Variants in SIPA1L3 observed in about 807,000 individuals in gnomAD.
The protein encoded by SIPA1L3 is signal induced proliferation associated 1 like 3.
In SIPA1L3, 59 loss-of-function variants were observed where a neutral mutation model predicts 150.1. The ratio of observed to expected loss-of-function variants is 0.39; its 90% CI spans 0.32 to 0.49. The LOEUF is 0.49. Among genes scored for constraint, SIPA1L3 ranks in the 20% least tolerant of loss-of-function variants. The pLI, the probability that SIPA1L3 is intolerant of heterozygous loss-of-function variation, is 0.86. For missense variants in SIPA1L3, 2,211 were observed against 2,489.5 expected, an observed-to-expected ratio of 0.89 and a Z score of 2.38; for synonymous variants, 1,070 against 1,077.6, an observed-to-expected ratio of 0.99 and a Z score of 0.14.
chr19:38,082,127 C>G lies in SIPA1L3; in HGVS notation c.562C>G (p.Arg188Gly), dbSNP rs1555784629. The G allele has an allele frequency of 3.1e-6, 5 of 1,606,402 alleles. No homozygotes were observed. The highest frequency in any genetic ancestry group is 2.7e-5 in the African/African-American group (2 of 75,008). ...ECDAEDAGEP[R>G]GARHTGALPL... ...TGACGCGGAGGACGCGGGGGAGCCG[C>G]GGGGGGCCCGGCACACGGGGGCGCT... The change falls in exon 3 of 22, where the codon CGG (arginine) becomes GGG (glycine). Residue 188 changes from arginine (R) to glycine (G), a missense_variant. Coordinates refer to ENST00000222345, the MANE Select transcript of SIPA1L3 (RefSeq NM_015073.3).
chr19:38,054,420 A>G (rs1969271444), intron 2 of SIPA1L3, among the ~76,000 whole-genome samples: 1 of 152,212 alleles, frequency 6.6e-6, no homozygotes, highest in Non-Finnish European at 1.5e-5. Flanking sequence ...TAGCCTGACC[A>G]ACATGGTGAA....
chr19:37,981,349 A>C (rs772301251), intron 1 of SIPA1L3, among the ~76,000 whole-genome samples: 1 of 151,340 alleles, frequency 6.6e-6, no homozygotes, highest in Non-Finnish European at 1.5e-5. Flanking sequence ...ACTTGAACCC[A>C]GGAGGTCAAG....
intron 1 of SIPA1L3, among the ~76,000 whole-genome samples, chr19:37,971,052 T>C (rs371615923): frequency 6.6e-6 from 1 of 152,136 alleles, no homozygotes; most frequent in South Asian, 2.1e-4. Flanking sequence ...GCAGTTGTGT[T>C]TTTTTTTGAG....
In SIPA1L3 at chr19:38,110,398, A is replaced by C. The variant is rs1600084532; in HGVS notation, c.2291+14A>C. ...CGTCTGTTACAGGTATGCCCCCCAC[A>C]CCCGGCCCCCAGCAGCGTATGGAGA... is the stretch of plus-strand genomic sequence containing the variant. On this transcript the variant is annotated intron_variant, in intron 8 of 21. Transcript: ENST00000222345. 6.2e-7 allele frequency: 1 copy of C among 1,603,140 alleles called. No homozygotes were observed. Among genetic ancestry groups the C allele is most frequent in the Non-Finnish European group, 8.5e-7 (1 of 1,172,600 alleles).
At chr19:38,196,760 AG>A (rs1236181347) in intron 18 of SIPA1L3, among the ~76,000 whole-genome samples, 1 of 149,570 alleles carries the variant, frequency 6.7e-6, no homozygotes, top group Non-Finnish European at 1.5e-5. Context: ...GGGGGGAGCC[AG>A]GAGGCCGAGG....
chr19:38,005,618 C>T (rs1045007719), intron 1 of SIPA1L3, among the ~76,000 whole-genome samples: 1 of 152,216 alleles, frequency 6.6e-6, no homozygotes, highest in African/African-American at 2.4e-5. Flanking sequence ...CTTCCCCCTC[C>T]CCTTAATGTC....
chr19:37,995,651 G>C (rs1967622720), intron 1 of SIPA1L3, among the ~76,000 whole-genome samples: 1 of 152,190 alleles, frequency 6.6e-6, no homozygotes, highest in African/African-American at 2.4e-5. Context: ...GGCCTGAGGA[G>C]GTGGGGCCTG....
intron 9 of SIPA1L3, among the ~76,000 whole-genome samples, chr19:38,126,124 A>C (rs984994003): frequency 2.6e-5 from 4 of 152,076 alleles, no homozygotes; most frequent in South Asian, 4.1e-4. Context: ...CAGTGAGCCG[A>C]GATTGCACCA....
intron 2 of SIPA1L3, among the ~76,000 whole-genome samples, chr19:38,062,676 A>G (rs1297268829): frequency 6.6e-6 from 1 of 151,904 alleles, no homozygotes; most frequent in Non-Finnish European, 1.5e-5. Context: ...GTGCAGTGGC[A>G]CTACAGTGAT....
At chr19:38,042,393 A>G (rs902034459) in intron 2 of SIPA1L3, among the ~76,000 whole-genome samples, 1 of 152,128 alleles carries the variant, frequency 6.6e-6, no homozygotes, top group Non-Finnish European at 1.5e-5. Flanking sequence ...GATGCCTCCA[A>G]CTTTTTATTT....
intron 2 of SIPA1L3, among the ~76,000 whole-genome samples, chr19:38,070,986 T>C (rs1350706709): frequency 6.6e-6 from 1 of 152,086 alleles, no homozygotes; most frequent in African/African-American, 2.4e-5. Context: ...CCTCTACCTC[T>C]AAGCAAAGGC....
At chr19:38,083,143 T>C in intron 3 of SIPA1L3, 44 bp downstream of exon 3, 3 of 1,534,270 alleles carry the variant, frequency 2.0e-6, no homozygotes, top group Non-Finnish European at 2.7e-6. Flanking sequence ...GGGCCGAGGC[T>C]TGCCTCCGAG....
At chr19:38,034,031 T>C (rs1347377681) in intron 2 of SIPA1L3, among the ~76,000 whole-genome samples, 1 of 152,104 alleles carries the variant, frequency 6.6e-6, no homozygotes, top group East Asian at 1.9e-4. Flanking sequence ...CCAGTGTTAG[T>C]TTGGTGGCTG....
chr19:38,161,995 T>A (rs1299376643), intron 13 of SIPA1L3, among the ~76,000 whole-genome samples: 1 of 152,158 alleles, frequency 6.6e-6, no homozygotes, highest in African/African-American at 2.4e-5. Context: ...TGAGCTATGA[T>A]CATTCCATTG....
chr19:38,071,540 C>T (rs755731571), intron 2 of SIPA1L3, among the ~76,000 whole-genome samples: 33 of 152,176 alleles, frequency 2.2e-4, no homozygotes, highest in South Asian at 1.0e-3. Context: ...TCGCCCACCT[C>T]GGCCTCCCAA....
intron 12 of SIPA1L3, among the ~76,000 whole-genome samples, chr19:38,144,465 G>C (rs925550967): frequency 1.2e-4 from 18 of 152,234 alleles, no homozygotes; most frequent in Admixed American, 4.6e-4. Flanking sequence ...AGCAGGCATT[G>C]GAATCACCCA....
chr19:38,127,006 G>A (rs113144178), intron 9 of SIPA1L3, among the ~76,000 whole-genome samples: 3,946 of 151,920 alleles, frequency 0.026, 162 homozygotes, highest in African/African-American at 0.09. Context: ...CAGCCTGACC[G>A]ACATGGAGAA....
intron 9 of SIPA1L3, among the ~76,000 whole-genome samples, chr19:38,123,424 G>A (rs1179612920): frequency 1.1e-4 from 17 of 149,514 alleles, no homozygotes; most frequent in Admixed American, 9.4e-4. Context: ...CTTCCGCAGT[G>A]TTTGTGTCCC....
At chr19:38,198,586 A>G in intron 19 of SIPA1L3, 54 bp downstream of exon 19, 5 of 1,387,244 alleles carry the variant, frequency 3.6e-6, no homozygotes, top group Non-Finnish European at 4.7e-6. Flanking sequence ...TCTGTTCTAG[A>G]GGGATTCATG....
Sources: gnomAD v4.1 joint callset for allele counts (sites outside exome capture counted in the v4.1 genomes callset) on GRCh38, gnomAD v4.1.1 for gene constraint, MANE v1.5 for transcripts, NCBI Gene and HGNC (gene_info 2026-07-23, HGNC 2026-07-21) for gene names.